Variants in PPARD observed in about 807,000 individuals in gnomAD.
The protein encoded by PPARD is peroxisome proliferator-activated receptor delta.
PPARD carries 6 observed loss-of-function variants against 39.5 expected under a neutral mutation model. The observed-to-expected ratio is 0.15, with a 90% confidence interval of 0.08 to 0.30. The LOEUF is 0.30. Among genes scored for constraint, PPARD ranks in the 10% least tolerant of loss-of-function variants. The pLI is 1.00. For synonymous variants in PPARD, 210 were observed against 231.3 expected (o/e 0.91, Z 0.83); for missense variants, 397 against 596.8 (o/e 0.67, Z 3.49).
In PPARD at chr6:35,425,484, G is replaced by A; in HGVS notation, c.1079-348G>A. ...TTGATCCTCACAACAACCCTGTGCA[G>A]GAAGAATGTTTTGTGTCTCCATTTT... On this transcript the variant is annotated intron_variant, in intron 7 of 7. Transcript: ENST00000360694. The surrounding 1 kb of genome is among the most constrained non-coding windows in gnomAD (Gnocchi z 4.5). The A allele has an allele frequency of 1.9e-6, 2 of 1,060,096 alleles. No individual in the cohort carries two copies. The highest frequency in any genetic ancestry group is 2.4e-6 in the Non-Finnish European group (2 of 832,728). 65.7% of individuals were successfully genotyped at this position (1,060,096 alleles called of 1,614,324 possible).
chr6:35,400,858 C>T (rs984341467), intron 2 of PPARD, among the ~76,000 whole-genome samples: 1 of 151,904 alleles, frequency 6.6e-6, no homozygotes, highest in Non-Finnish European at 1.5e-5. Flanking sequence ...AACCACAGAG[C>T]CCCTAAAGCA....
intron 2 of PPARD, among the ~76,000 whole-genome samples, chr6:35,357,308 T>C (rs1279922096): frequency 6.6e-6 from 1 of 152,214 alleles, no homozygotes; most frequent in Non-Finnish European, 1.5e-5. Context: ...AGCTTGTTCA[T>C]GTGGTCCAGA....
Position 35,424,620 on chromosome 6 carries a change from A to G in PPARD, c.919A>G (p.Asn307Asp). The G allele has an allele frequency of 6.2e-7, 1 of 1,614,238 alleles. No individual in the cohort carries two copies. Among genetic ancestry groups the G allele is most frequent in the Non-Finnish European group, 8.5e-7 (1 of 1,180,030 alleles). ...IVNKDGLLVANGSGFVTREFL... is the reference protein window; with the variant it reads ...IVNKDGLLVADGSGFVTREFL... ...CAACAAGGACGGGCTGCTGGTAGCC[A>G]ACGGCAGTGGCTTTGTCACCCGTGA... is the stretch of plus-strand genomic sequence containing the variant. The change falls in exon 7 of 8, where the codon AAC becomes GAC. Residue 307 changes from asparagine to aspartate, a missense_variant. Coordinates refer to ENST00000360694, the MANE Select transcript of PPARD (RefSeq NM_006238.5). This position sits in a 1 kb window ranked among gnomAD's most constrained non-coding sequence, Gnocchi z 7.1.
chr6:35,383,713 C>G (rs1033450557), intron 2 of PPARD, among the ~76,000 whole-genome samples: 2 of 143,564 alleles, frequency 1.4e-5, no homozygotes, highest in African/African-American at 2.9e-5. Flanking sequence ...CACCTCTGCC[C>G]GGCCACGACC....
At chr6:35,410,604 C>T (rs1765362316) in intron 2 of PPARD, among the ~76,000 whole-genome samples, 1 of 152,098 alleles carries the variant, frequency 6.6e-6, no homozygotes, top group African/African-American at 2.4e-5. Flanking sequence ...GGATGGGAGG[C>T]GTGATGCATA....
intron 2 of PPARD, among the ~76,000 whole-genome samples, chr6:35,405,482 G>A (rs2150750061): frequency 6.6e-6 from 1 of 152,108 alleles, no homozygotes; most frequent in East Asian, 1.9e-4. Flanking sequence ...GTGGGGCAAA[G>A]CTGTGACATG....
At chr6:35,375,810 C>T (rs1451824163) in intron 2 of PPARD, among the ~76,000 whole-genome samples, 1 of 152,202 alleles carries the variant, frequency 6.6e-6, no homozygotes, top group Non-Finnish European at 1.5e-5. Context: ...ACCTTGGCCT[C>T]CAAAAGTGCT....
chr6:35,422,016 G>T, intron 5 of PPARD, 58 bp downstream of exon 5: 2 of 1,531,592 alleles, frequency 1.3e-6, no homozygotes, highest in African/African-American at 1.4e-5. Context: ...TGAAACCAAG[G>T]TCCAGGGAGC....
intron 2 of PPARD, among the ~76,000 whole-genome samples, chr6:35,387,589 C>T (rs75333282): frequency 0.028 from 4,231 of 151,316 alleles, 168 homozygotes; most frequent in African/African-American, 0.082. Flanking sequence ...GTGTTTTTAT[C>T]CTCATCCTGC....
At position 35,425,538 on chromosome 6, in the gene PPARD, T is replaced by C. The variant is rs80227000; in HGVS notation, c.1079-294T>C. The C allele has an allele frequency of 1.6e-3, 1,356 of 840,240 alleles. 17 individuals carry two copies. In the African/African-American group the frequency reaches 0.021, roughly 13 times the overall value. The allele number at this position is 840,240 out of a possible 1,614,324, so 52.0% of individuals were successfully genotyped here. ...CATCAGAGAGGCTGAATGACCTGCC[T>C]ATAGCCTCACAGGCAGACACAGGAT... is the stretch of plus-strand genomic sequence containing the variant. On this transcript the variant is annotated intron_variant, in intron 7 of 7. Transcript: ENST00000360694. This position sits in a 1 kb window ranked among gnomAD's most constrained non-coding sequence, Gnocchi z 4.5.
chr6:35,352,592 T>C (rs1011530274), intron 2 of PPARD, among the ~76,000 whole-genome samples: 1 of 152,222 alleles, frequency 6.6e-6, no homozygotes, highest in African/African-American at 2.4e-5. Flanking sequence ...TCTTTCATGG[T>C]TCTGTGGATT....
At chr6:35,419,965 A>C (rs976920881) in intron 3 of PPARD, among the ~76,000 whole-genome samples, 162 bp from the exon 4 acceptor site, 3 of 152,238 alleles carry the variant, frequency 2.0e-5, no homozygotes. Flanking sequence ...AGAAGCTGTC[A>C]GTACCCCCTG....
At chr6:35,357,690 C>T (rs1441033289) in intron 2 of PPARD, among the ~76,000 whole-genome samples, 3 of 152,148 alleles carry the variant, frequency 2.0e-5, no homozygotes, top group Non-Finnish European at 4.4e-5. Flanking sequence ...GCATGCGCCA[C>T]CTCACCCAGC....
chr6:35,356,141 C>T (rs1021027672), intron 2 of PPARD, among the ~76,000 whole-genome samples: 4 of 152,104 alleles, frequency 2.6e-5, no homozygotes, highest in African/African-American at 4.8e-5. Context: ...GTGTGGGAAA[C>T]TGCTTCATGC....
chr6:35,348,726 G>T (rs1224581530), intron 2 of PPARD: 2 of 985,286 alleles, frequency 2.0e-6, no homozygotes, highest in Non-Finnish European at 2.4e-6. Flanking sequence ...CTTTCAGGAA[G>T]GTCCTGGGTG....
intron 2 of PPARD, among the ~76,000 whole-genome samples, chr6:35,372,973 TTCAAGA>T (rs879812180): frequency 3.9e-5 from 6 of 152,254 alleles, no homozygotes; most frequent in Middle Eastern, 3.4e-3. Context: ...GGCTGGGAAG[TTCAAGA>T]TCAAGGCATT....
At chr6:35,398,868 C>G (rs1764509080) in intron 2 of PPARD, among the ~76,000 whole-genome samples, 1 of 152,202 alleles carries the variant, frequency 6.6e-6, no homozygotes, top group South Asian at 2.1e-4. Flanking sequence ...AATCCCAGCA[C>G]TTTGGGAGGC....
At chr6:35,367,346 T>C (rs1032361829) in intron 2 of PPARD, among the ~76,000 whole-genome samples, 1 of 152,120 alleles carries the variant, frequency 6.6e-6, no homozygotes, top group Non-Finnish European at 1.5e-5. Context: ...AAAAAGGATA[T>C]GGTGGTGTGG....
chr6:35,394,096 T>C (rs11962521), intron 2 of PPARD, among the ~76,000 whole-genome samples: 10,977 of 152,312 alleles, frequency 0.072, 965 homozygotes, highest in African/African-American at 0.21. Flanking sequence ...GGTATTTATC[T>C]CCCCACCAGT....
Sources: allele counts gnomAD v4.1 joint callset (sites outside exome capture counted in the v4.1 genomes callset), GRCh38; gene constraint gnomAD v4.1.1; non-coding constraint Gnocchi (gnomAD v3.1); transcripts MANE v1.5; gene names NCBI Gene and HGNC (gene_info 2026-07-23, HGNC 2026-07-21).